Variants in MARCHF3 observed in about 807,000 individuals in gnomAD.
MARCHF3 encodes the protein E3 ubiquitin-protein ligase MARCHF3.
MARCHF3 carries 13 observed loss-of-function variants against 24.2 expected under a neutral mutation model. The observed-to-expected ratio is 0.54, with a 90% CI of 0.35 to 0.85. MARCHF3 has a LOEUF of 0.85. Ranked by LOEUF, MARCHF3 falls within the 40% of genes least tolerant of loss-of-function variation. The pLI is 0.01. For synonymous variants in MARCHF3, 144 were observed against 137.3 expected (o/e 1.05, Z -0.34); for missense variants, 276 against 325.0 (o/e 0.85, Z 1.16).
chr5:126,938,106 C>A (rs116652582), intron 1 of MARCHF3, among the ~76,000 whole-genome samples: 2,354 of 151,942 alleles, frequency 0.015, 26 homozygotes, highest in Non-Finnish European at 0.024. Flanking sequence ...TTTTTGCAAT[C>A]CACATTTTAT....
At chr5:126,893,111 T>G (rs949704672) in intron 3 of MARCHF3, among the ~76,000 whole-genome samples, 1 of 152,036 alleles carries the variant, frequency 6.6e-6, no homozygotes, top group Non-Finnish European at 1.5e-5. Context: ...TGGTAGTTTG[T>G]ATTTCTGTGG....
At chr5:126,894,326 T>C (rs1408267543) in intron 3 of MARCHF3, among the ~76,000 whole-genome samples, 2 of 150,836 alleles carry the variant, frequency 1.3e-5, no homozygotes, top group African/African-American at 2.5e-5. Flanking sequence ...AATTTGATCC[T>C]GTCATTATGA....
At chr5:126,914,184 A>T (rs557206453) in intron 3 of MARCHF3, among the ~76,000 whole-genome samples, 3 of 151,450 alleles carry the variant, frequency 2.0e-5, no homozygotes, top group South Asian at 2.1e-4. Context: ...GGGGTTTCAC[A>T]GTGTTAGCCA....
chr5:126,944,543 T>C (rs1749945147), intron 1 of MARCHF3, among the ~76,000 whole-genome samples: 1 of 152,196 alleles, frequency 6.6e-6, no homozygotes, highest in South Asian at 2.1e-4. Flanking sequence ...TGATATGCCA[T>C]TGCATTCCAG....
At chr5:126,873,264 A>G in intron 4 of MARCHF3, among the ~76,000 whole-genome samples, 1 of 152,208 alleles carries the variant, frequency 6.6e-6, no homozygotes, top group East Asian at 1.9e-4. Context: ...GTAAGATGTG[A>G]ATAATGATAT....
chr5:126,872,074 C>CTTTTTTTT (rs70997318), intron 4 of MARCHF3, among the ~76,000 whole-genome samples: 12 of 94,510 alleles, frequency 1.3e-4, no homozygotes, highest in Non-Finnish European at 1.8e-4. Flanking sequence ...AGATCCTTGT[C>CTTTTTTTT]TTTTTTTTTT....
intron 3 of MARCHF3, among the ~76,000 whole-genome samples, chr5:126,882,143 G>A (rs188547067): frequency 2.0e-5 from 3 of 152,288 alleles, no homozygotes; most frequent in South Asian, 2.1e-4. Context: ...GGGTATCAGA[G>A]GTGAGATTTA....
intron 3 of MARCHF3, among the ~76,000 whole-genome samples, chr5:126,889,012 G>A (rs1245857816): frequency 4.6e-5 from 7 of 152,140 alleles, no homozygotes; most frequent in African/African-American, 7.2e-5. Context: ...TGATCCACCC[G>A]CCTTGGCCTC....
rs549233905 is a variant in MARCHF3, at chr5:127,018,186, C to G, written c.-57+12164G>C. ...AGGAGTATAAGACCAGCCTGGCCAA[C>G]ATGGTGAAACCCCATCTCTACTAAA... On this transcript the variant is annotated intron_variant, in intron 1 of 4. Coordinates refer to ENST00000308660, the MANE Select transcript of MARCHF3 (RefSeq NM_178450.5). Among the ~76,000 whole-genome samples the G allele has an allele frequency of 2.2e-4, 34 of 152,250 alleles. No individual in the cohort carries two copies. The South Asian group carries it at 6.8e-3, about 31-fold the overall frequency.
At chr5:126,934,706 G>C (rs991277374) in intron 1 of MARCHF3, among the ~76,000 whole-genome samples, 2 of 152,026 alleles carry the variant, frequency 1.3e-5, no homozygotes, top group African/African-American at 2.4e-5. Flanking sequence ...AAGGAAGAAA[G>C]GAAGGAAGAG....
rs1022961597 is a variant in MARCHF3, at chr5:126,901,390, G to A, written c.393+13540C>T. ...CACGTTAATTAATGCCACTGGACTGGAATCAAGATCTGTGCCTATTCTGGA... is the reference window on the plus strand; with the variant it reads ...CACGTTAATTAATGCCACTGGACTGAAATCAAGATCTGTGCCTATTCTGGA... On this transcript the variant is annotated intron_variant, in intron 3 of 4. Transcript: ENST00000308660. Among the ~76,000 whole-genome samples the A allele has an allele frequency of 2.6e-5, 4 of 152,090 alleles. No homozygotes were observed. In the East Asian group the frequency reaches 5.8e-4, roughly 22 times the overall value.
chr5:126,962,076 G>C (rs1336079877), intron 1 of MARCHF3, among the ~76,000 whole-genome samples: 1 of 152,144 alleles, frequency 6.6e-6, no homozygotes, highest in African/African-American at 2.4e-5. Context: ...TTGTCCTACA[G>C]AGTTAGGGAG....
At chr5:126,899,208 C>A (rs75321303) in intron 3 of MARCHF3, 14,272 of 985,220 alleles carry the variant, frequency 0.014, 291 homozygotes, top group South Asian at 0.11. Context: ...ATGAGGAGGA[C>A]GGCAAAGCCT....
intron 1 of MARCHF3, among the ~76,000 whole-genome samples, chr5:127,000,818 C>T (rs1327656384): frequency 6.6e-6 from 1 of 152,088 alleles, no homozygotes; most frequent in Admixed American, 6.5e-5. Flanking sequence ...AGGCGCCCGC[C>T]ACCACGCCCG....
intron 1 of MARCHF3, among the ~76,000 whole-genome samples, chr5:126,983,143 G>A (rs1166243458): frequency 2.0e-5 from 3 of 152,198 alleles, no homozygotes; most frequent in African/African-American, 7.2e-5. Flanking sequence ...ACCATGCAGA[G>A]GAATCACATC....
At chr5:126,965,272 G>A (rs1261416051) in intron 1 of MARCHF3, among the ~76,000 whole-genome samples, 3 of 152,064 alleles carry the variant, frequency 2.0e-5, no homozygotes, top group Non-Finnish European at 4.4e-5. Context: ...TAAAGAATGG[G>A]CCCATGGAAA....
At chr5:126,913,071 C>T (rs1220306435) in intron 3 of MARCHF3, among the ~76,000 whole-genome samples, 2 of 152,188 alleles carry the variant, frequency 1.3e-5, no homozygotes, top group African/African-American at 4.8e-5. Flanking sequence ...CTCTGAAGAC[C>T]CCTGTGTATG....
chr5:126,908,124 T>C (rs1376797149), intron 3 of MARCHF3, among the ~76,000 whole-genome samples: 3 of 152,206 alleles, frequency 2.0e-5, no homozygotes, highest in East Asian at 3.9e-4. Context: ...AAAATTCTTT[T>C]CTTTAAGAAT....
intron 1 of MARCHF3, among the ~76,000 whole-genome samples, chr5:126,954,678 C>CTTT (rs199567453): frequency 4.8e-4 from 62 of 130,122 alleles, no homozygotes; most frequent in Non-Finnish European, 8.0e-4. Context: ...GCCCCAGTTT[C>CTTT]TTTTTTTTTT....
Sources: gnomAD v4.1 joint callset for allele counts (sites outside exome capture counted in the v4.1 genomes callset) on GRCh38, gnomAD v4.1.1 for gene constraint, MANE v1.5 for transcripts, NCBI Gene and HGNC (gene_info 2026-07-23, HGNC 2026-07-21) for gene names.